DLGAP2: variants seen among roughly 807,000 people sequenced by gnomAD.
The protein encoded by DLGAP2 is disks large-associated protein 2.
Under a neutral mutation model 100.3 loss-of-function variants are expected in DLGAP2, and 26 were observed. The ratio of observed to expected loss-of-function variants is 0.26; its 90% confidence interval spans 0.19 to 0.36. The LOEUF (loss-of-function observed/expected upper bound fraction) is 0.36. Ranked by LOEUF, DLGAP2 falls within the 10% of genes least tolerant of loss-of-function variation. DLGAP2 has a pLI of 1.00. For missense variants in DLGAP2, 1,858 were observed against 1,453.2 expected (o/e 1.28, Z -4.53); for synonymous variants, 886 against 630.1 (o/e 1.41, Z -6.08).
chr8:1,155,513 A>T (rs1414939384), intron 2 of DLGAP2, among the ~76,000 whole-genome samples: 1 of 152,044 alleles, frequency 6.6e-6, no homozygotes, highest in Non-Finnish European at 1.5e-5. Flanking sequence ...AAGAGTTTCC[A>T]TGGCAGGAGG....
intron 1 of DLGAP2, among the ~76,000 whole-genome samples, chr8:885,340 A>G (rs557802601): frequency 6.6e-6 from 1 of 152,274 alleles, no homozygotes; most frequent in South Asian, 2.1e-4. Flanking sequence ...GAGGTCCTTC[A>G]CATCCCTTGT....
intron 3 of DLGAP2, among the ~76,000 whole-genome samples, chr8:1,298,175 A>T (rs1454742217): frequency 6.6e-6 from 1 of 152,056 alleles, no homozygotes; most frequent in Non-Finnish European, 1.5e-5. Flanking sequence ...ATGAACGGAG[A>T]AATGTGGCGT....
At chr8:1,558,800 C>A (rs947568082) in intron 5 of DLGAP2, among the ~76,000 whole-genome samples, 10 of 150,340 alleles carry the variant, frequency 6.7e-5, no homozygotes, top group African/African-American at 2.2e-4. Flanking sequence ...ATTACACATA[C>A]ACACATAAAC....
intron 2 of DLGAP2, among the ~76,000 whole-genome samples, chr8:1,255,149 CTCTCCTGCCCGGGT>C (rs1799163541): frequency 4.2e-5 from 5 of 118,666 alleles, no homozygotes; most frequent in African/African-American, 1.1e-4. Flanking sequence ...AGTGTGTGTC[CTCTCCTGCCCGGGT>C]GCTGTGTGTG....
intron 3 of DLGAP2, among the ~76,000 whole-genome samples, chr8:1,473,512 G>A (rs2108122): frequency 0.33 from 49,610 of 152,122 alleles, 9,118 homozygotes; most frequent in Middle Eastern, 0.45. Flanking sequence ...AGGCAGAACT[G>A]AAGGGAAAAA....
intron 1 of DLGAP2, among the ~76,000 whole-genome samples, chr8:875,519 T>C (rs1008632422): frequency 2.0e-5 from 3 of 152,210 alleles, no homozygotes; most frequent in Non-Finnish European, 4.4e-5. Flanking sequence ...TCCTTTCTGC[T>C]GCCATGTGAA....
At chr8:1,045,867 T>A (rs1802499643) in intron 2 of DLGAP2, among the ~76,000 whole-genome samples, 1 of 152,178 alleles carries the variant, frequency 6.6e-6, no homozygotes, top group African/African-American at 2.4e-5. Context: ...GCCCCCTGGT[T>A]GCTCAGATGT....
chr8:1,206,608 CCG>C lies in DLGAP2; in HGVS notation c.74-52242_74-52241del, dbSNP rs1184769778. 1.7e-3 allele frequency among the ~76,000 whole-genome samples: 157 copies of C among 90,248 alleles called. 8 individuals are homozygous for C. The East Asian group carries it at 0.039, about 22-fold the overall frequency. The allele number at this position is 90,248 out of a possible 152,430, so 59.2% of individuals were successfully genotyped here. A position where few individuals can be genotyped will look rare whatever the true frequency, so the allele number is the denominator to read the frequency against. On this transcript the variant is annotated intron_variant, in intron 2 of 14. Transcript: ENST00000637795. ...CTGTGAGCAGTTAATCTCCAGCCAT[CCG>C]TGGACTGGGGTAGACTGTGAGCGGT...
intron 1 of DLGAP2, among the ~76,000 whole-genome samples, chr8:870,233 A>G (rs955537767): frequency 6.6e-6 from 1 of 152,112 alleles, no homozygotes; most frequent in East Asian, 1.9e-4. Flanking sequence ...TCCTGACAGG[A>G]TCCCTGAGCT....
intron 2 of DLGAP2, among the ~76,000 whole-genome samples, chr8:1,090,483 G>C (rs1411252975): frequency 1.3e-5 from 2 of 152,226 alleles, no homozygotes; most frequent in African/African-American, 4.8e-5. Flanking sequence ...GCCTGTGCCA[G>C]CTACCAGCAC....
At chr8:1,510,793 A>G (rs1800134924) in intron 4 of DLGAP2, among the ~76,000 whole-genome samples, 1 of 152,222 alleles carries the variant, frequency 6.6e-6, no homozygotes, top group Non-Finnish European at 1.5e-5. Flanking sequence ...CTAAAATATT[A>G]TATGTCCAAG....
intron 3 of DLGAP2, among the ~76,000 whole-genome samples, chr8:1,306,868 T>TA (rs1800503935): frequency 6.6e-6 from 1 of 152,184 alleles, no homozygotes; most frequent in Non-Finnish European, 1.5e-5. Context: ...GCTGAACTCA[T>TA]ACCTTATACC....
chr8:1,362,812 C>T (rs1380744216), intron 3 of DLGAP2, among the ~76,000 whole-genome samples: 1 of 152,260 alleles, frequency 6.6e-6, no homozygotes, highest in East Asian at 1.9e-4. Flanking sequence ...GCGCGACCGC[C>T]TGGGCTTCTG....
chr8:994,245 G>A (rs1162312963), intron 2 of DLGAP2, among the ~76,000 whole-genome samples: 4 of 152,194 alleles, frequency 2.6e-5, no homozygotes, highest in Admixed American at 2.0e-4. Flanking sequence ...TTGTTGCCCA[G>A]GCTGGAGTGC....
In DLGAP2 at chr8:1,423,075, C is replaced by G; in HGVS notation, c.107-78291C>G. Among the ~76,000 whole-genome samples, 2 of 152,116 alleles carry G rather than the reference C, an allele frequency of 1.3e-5. 1 individual carries two copies. Among genetic ancestry groups the G allele is most frequent in the Non-Finnish European group, 2.9e-5 (2 of 68,036 alleles). ...AACAAAGGTGAAAATGTTCAGACTG[C>G]CACAACAGTGTAGACAAGTGGAAAT... On this transcript the variant is annotated intron_variant, in intron 3 of 14. Transcript: ENST00000637795.
At chr8:1,500,852 T>G (rs184172771) in intron 3 of DLGAP2, among the ~76,000 whole-genome samples, 5 of 152,374 alleles carry the variant, frequency 3.3e-5, no homozygotes, top group African/African-American at 9.6e-5. Context: ...AAAGTGGACC[T>G]AATATGAACT....
intron 1 of DLGAP2, among the ~76,000 whole-genome samples, chr8:820,201 A>C (rs1018362243): frequency 6.6e-6 from 1 of 152,246 alleles, no homozygotes; most frequent in Non-Finnish European, 1.5e-5. Flanking sequence ...CAACACAACA[A>C]AGTTTTAAAC....
intron 3 of DLGAP2, among the ~76,000 whole-genome samples, chr8:1,439,660 C>T (rs545058739): frequency 3.9e-5 from 6 of 152,240 alleles, no homozygotes; most frequent in African/African-American, 1.4e-4. Context: ...GACAGGGTCT[C>T]GAAACTGAAA....
At chr8:1,254,325 C>T (rs1413380173) in intron 2 of DLGAP2, among the ~76,000 whole-genome samples, 3 of 152,182 alleles carry the variant, frequency 2.0e-5, no homozygotes, top group East Asian at 1.9e-4. Flanking sequence ...ATCAAGGCCT[C>T]GTGGTCTCCT....
Sources: allele counts gnomAD v4.1 joint callset (sites outside exome capture counted in the v4.1 genomes callset), GRCh38; gene constraint gnomAD v4.1.1; transcripts MANE v1.5; gene names NCBI Gene and HGNC (gene_info 2026-07-23, HGNC 2026-07-21).